Variants in RBFOX2 observed in about 807,000 individuals in gnomAD.
RBFOX2 encodes RNA binding fox-1 homolog 2, also known as RNA binding protein fox-1 homolog 2.
RBFOX2 carries 10 observed loss-of-function variants against 49.1 expected under a neutral mutation model. That is an observed-to-expected ratio of 0.20 (90% CI 0.13 to 0.35). The LOEUF is 0.35. Ranked by LOEUF, RBFOX2 falls within the 10% of genes least tolerant of loss-of-function variation. The pLI, the probability that RBFOX2 is intolerant of heterozygous loss-of-function variation, is 1.00. For synonymous variants in RBFOX2, 183 were observed against 187.4 expected, an observed-to-expected ratio of 0.98 and a Z score of 0.19; for missense variants, 323 against 486.9, an observed-to-expected ratio of 0.66 and a Z score of 3.17.
At chr22:35,884,557 G>C (rs2046329900) in intron 1 of RBFOX2, among the ~76,000 whole-genome samples, 1 of 152,152 alleles carries the variant, frequency 6.6e-6, no homozygotes, top group Non-Finnish European at 1.5e-5. Flanking sequence ...TGGCTCTTGG[G>C]CCTTCCCACA....
At chr22:35,847,422 C>G (rs942879134) in intron 1 of RBFOX2, among the ~76,000 whole-genome samples, 11 of 152,002 alleles carry the variant, frequency 7.2e-5, no homozygotes, top group African/African-American at 2.4e-4. Flanking sequence ...CCATAACGTC[C>G]AACTGTATAA....
At chr22:36,020,876 C>T (rs982948812) in intron 1 of RBFOX2, among the ~76,000 whole-genome samples, 46 of 152,200 alleles carry the variant, frequency 3.0e-4, no homozygotes, top group African/African-American at 1.1e-3. Flanking sequence ...TACCATTTGA[C>T]GCAGCCATCC....
intron 1 of RBFOX2, among the ~76,000 whole-genome samples, chr22:35,816,827 A>T (rs1953175804): frequency 6.6e-6 from 1 of 152,230 alleles, no homozygotes; most frequent in Non-Finnish European, 1.5e-5. Context: ...CAGTCTCAAC[A>T]GTAAGATGCA....
At position 35,865,577 on chromosome 22, in the gene RBFOX2, G is replaced by T. The variant is rs138790763; in HGVS notation, c.-33-55573C>A. Reference sequence around the variant, plus strand: ...CCCATCTTTATTATTATTTTTTTTTGATGGTGATAGAAGAGGGATTCACTT... The same window carrying T: ...CCCATCTTTATTATTATTTTTTTTTTATGGTGATAGAAGAGGGATTCACTT... On this transcript the variant is annotated intron_variant, in intron 1 of 13. Transcript: ENST00000359369. Among the ~76,000 whole-genome samples the T allele has an allele frequency of 2.5e-4, 38 of 151,262 alleles. No homozygotes were observed. In the East Asian group the frequency reaches 4.3e-3, roughly 17 times the overall value.
intron 1 of RBFOX2, among the ~76,000 whole-genome samples, chr22:36,016,360 A>C (rs922701653): frequency 6.6e-6 from 1 of 151,578 alleles, no homozygotes; most frequent in Admixed American, 6.6e-5. Context: ...TTCTGCCTCC[A>C]CCCCAATCCC....
chr22:35,866,347 C>T (rs1372248496), intron 1 of RBFOX2, among the ~76,000 whole-genome samples: 1 of 152,096 alleles, frequency 6.6e-6, no homozygotes, highest in African/African-American at 2.4e-5. Context: ...AAAGTGCATA[C>T]ATTAATTTTC....
At chr22:35,848,768 A>T (rs962886689) in intron 1 of RBFOX2, among the ~76,000 whole-genome samples, 1 of 152,244 alleles carries the variant, frequency 6.6e-6, no homozygotes, top group Non-Finnish European at 1.5e-5. Context: ...AATTAATTGT[A>T]TTAACTGTAT....
chr22:35,926,216 A>T (rs2051618804), intron 1 of RBFOX2, among the ~76,000 whole-genome samples: 1 of 152,214 alleles, frequency 6.6e-6, no homozygotes, highest in Non-Finnish European at 1.5e-5. Flanking sequence ...AACTCACAAA[A>T]TGGTAGCCAG....
intron 1 of RBFOX2, among the ~76,000 whole-genome samples, chr22:35,973,983 A>G (rs1210886147): frequency 6.6e-6 from 1 of 152,206 alleles, no homozygotes; most frequent in Non-Finnish European, 1.5e-5. Flanking sequence ...GGGGTTCCCG[A>G]AACAGCAGGG....
At chr22:35,785,481 T>C (rs1213755768) in intron 2 of RBFOX2, among the ~76,000 whole-genome samples, 1 of 152,196 alleles carries the variant, frequency 6.6e-6, no homozygotes, top group Admixed American at 6.5e-5. Context: ...CCCCAACAGA[T>C]TCTTCTAGGT....
chr22:36,017,531 AAAAAAAT>A (rs888784176), intron 1 of RBFOX2, among the ~76,000 whole-genome samples: 3 of 152,256 alleles, frequency 2.0e-5, no homozygotes, highest in East Asian at 1.9e-4. Flanking sequence ...CTCGGTCTCA[AAAAAAAT>A]AAAAAATAAA....
intron 1 of RBFOX2, among the ~76,000 whole-genome samples, chr22:35,968,361 T>C (rs2056685719): frequency 6.6e-6 from 1 of 152,226 alleles, no homozygotes. Flanking sequence ...AATAGAATTA[T>C]GCGCCTCTCT....
At chr22:35,929,818 A>G (rs2052141603) in intron 1 of RBFOX2, among the ~76,000 whole-genome samples, 1 of 152,072 alleles carries the variant, frequency 6.6e-6, no homozygotes, top group Non-Finnish European at 1.5e-5. Context: ...CAGAAAGCAG[A>G]GCAGTGGTTG....
At chr22:35,964,088 T>C (rs1315392737), upstream of RBFOX2, among the ~76,000 whole-genome samples, 1 of 152,162 alleles carries the variant, frequency 6.6e-6, no homozygotes, top group Non-Finnish European at 1.5e-5. Context: ...AGAAACAGAG[T>C]TCCAGTGATG....
At chr22:35,898,375 G>T in intron 1 of RBFOX2, 2 of 582,260 alleles carry the variant, frequency 3.4e-6, no homozygotes, top group Non-Finnish European at 6.5e-6. Flanking sequence ...GCAGGGCCCA[G>T]ACAACCCGGG....
intron 1 of RBFOX2, among the ~76,000 whole-genome samples, chr22:35,834,105 C>A (rs1957242265): frequency 6.6e-6 from 1 of 152,104 alleles, no homozygotes; most frequent in Non-Finnish European, 1.5e-5. Context: ...ACTGAATACC[C>A]AATACCTACA....
At chr22:35,947,736 T>C (rs1455255201) in intron 1 of RBFOX2, among the ~76,000 whole-genome samples, 1 of 100,224 alleles carries the variant, frequency 1.0e-5, no homozygotes, top group Non-Finnish European at 2.2e-5. Flanking sequence ...AGAATAAGAA[T>C]ACAAATAAAA....
intron 1 of RBFOX2, among the ~76,000 whole-genome samples, chr22:36,022,680 G>A (rs2059289064): frequency 6.6e-6 from 1 of 152,206 alleles, no homozygotes; most frequent in Non-Finnish European, 1.5e-5. Flanking sequence ...TAACCCCAGT[G>A]TAATGGTATT....
At chr22:35,808,684 C>CA (rs1397832234) in intron 2 of RBFOX2, among the ~76,000 whole-genome samples, 1 of 151,366 alleles carries the variant, frequency 6.6e-6, no homozygotes, top group Non-Finnish European at 1.5e-5. Flanking sequence ...CCTGTCTCTA[C>CA]AAAAAAAATT....
Sources: allele counts gnomAD v4.1 joint callset (sites outside exome capture counted in the v4.1 genomes callset), GRCh38; gene constraint gnomAD v4.1.1; transcripts MANE v1.5; gene names NCBI Gene and HGNC (gene_info 2026-07-23, HGNC 2026-07-21).